Variants in TSPOAP1 observed in about 807,000 individuals in gnomAD.
TSPOAP1 encodes TSPO associated protein 1.
TSPOAP1 carries 87 observed loss-of-function variants against 197.0 expected under a neutral mutation model. The observed-to-expected ratio is 0.44, with a 90% CI of 0.37 to 0.53. The LOEUF (loss-of-function observed/expected upper bound fraction) is 0.53, where lower values mean the gene tolerates loss of function less well. Among genes scored for constraint, TSPOAP1 ranks in the 20% least tolerant of loss-of-function variants. TSPOAP1 has a pLI of 0.00. For missense variants in TSPOAP1, 2,174 were observed against 2,411.3 expected, an observed-to-expected ratio of 0.90 and a Z score of 2.06; for synonymous variants, 913 against 998.9, an observed-to-expected ratio of 0.91 and a Z score of 1.62.
intron 3 of TSPOAP1, 102 bp from the exon 4 acceptor site, chr17:58,325,815 G>A: frequency 1.5e-6 from 2 of 1,321,270 alleles, no homozygotes; most frequent in Non-Finnish European, 2.0e-6. Flanking sequence ...AAACCTAGGG[G>A]GGTAGCCACC....
rs746831000 is a variant in TSPOAP1 at position 58,327,889 on chromosome 17, C to T, written c.32G>A (p.Gly11Glu). The T allele has an allele frequency of 2.5e-6, 4 of 1,605,200 alleles. No homozygotes were observed. The highest frequency in any genetic ancestry group is 2.6e-6 in the Non-Finnish European group (3 of 1,173,406). MEQLTTLPRPGDPGAMEPWAL... is the reference protein window; with the variant it reads MEQLTTLPRPEDPGAMEPWAL... ...CCATGGCTCCATGGCTCCAGGGTCCCCAGGCCGTGGGAGGGTTGTCAGTTG... is the reference window on the plus strand; with the variant it reads ...CCATGGCTCCATGGCTCCAGGGTCCTCAGGCCGTGGGAGGGTTGTCAGTTG... The change falls in exon 1 of 32, where the codon GGG becomes GAG. Residue 11 changes from glycine to glutamate, a missense_variant. Coordinates refer to ENST00000343736, the MANE Select transcript of TSPOAP1 (RefSeq NM_004758.4).
chr17:58,308,928 C>A lies in TSPOAP1; in HGVS notation c.4344G>T (p.Glu1448Asp), dbSNP rs145131712. ...QASGRLGPTR[E>D]RGGLPVIEGP... ...CCTCAATTACGGGGAGGCCACCCCT[C>A]TCCCGTGTGGGGCCCAGTCGTCCAG... The change falls in exon 22 of 32, where the codon GAG (glutamate) becomes GAT (aspartate). Residue 1448 changes from glutamate (E) to aspartate (D), a missense_variant. By Grantham distance (45) the Glu-to-Asp change is conservative. Transcript: ENST00000343736. 6.3e-7 allele frequency: 1 copy of A among 1,599,602 alleles called. No individual in the cohort carries two copies. Among genetic ancestry groups the A allele is most frequent in the Non-Finnish European group, 8.5e-7 (1 of 1,172,980 alleles).
rs769660594 is a variant in TSPOAP1 at position 58,312,264 on chromosome 17, C to G, written c.2557G>C (p.Gly853Arg). ...AVLENLDLWAGPLHISVQALT... is the reference protein window; with the variant it reads ...AVLENLDLWARPLHISVQALT... Reference sequence around the variant, plus strand: ...GCCTGGACAGAAATGTGAAGGGGCCCGGCCCACAGGTCCAGGTTCTCCAGC... The same window carrying G: ...GCCTGGACAGAAATGTGAAGGGGCCGGGCCCACAGGTCCAGGTTCTCCAGC... Residue 853 changes from glycine (G) to arginine (R), a missense_variant, in exon 17 of 32, where the codon GGG becomes CGG. Physicochemically the swap from Gly to Arg is moderately radical, Grantham distance 125. Transcript: ENST00000343736. The G allele has an allele frequency of 1.2e-6, 2 of 1,612,614 alleles. No individual in the cohort carries two copies. The highest frequency in any genetic ancestry group is 2.2e-5 in the South Asian group (2 of 91,060).
chr17:58,312,293 G>C lies in TSPOAP1; in HGVS notation c.2528C>G (p.Ala843Gly). 1 of 1,612,754 alleles carries C rather than the reference G, an allele frequency of 6.2e-7. No individual in the cohort carries two copies. The change falls in exon 17 of 32, where the codon GCC becomes GGC. Residue 843 changes from alanine to glycine, a missense_variant. This residue lies in a region of TSPOAP1 where 1,933 missense variants were observed against 2,139.0 expected (regional missense o/e 0.90). Coordinates refer to ENST00000343736, the MANE Select transcript of TSPOAP1 (RefSeq NM_004758.4). ...CCACAGGTCCAGGTTCTCCAGCACG[G>C]CCTTGGGTGGCGCCCCAGGCCCCAG... is the stretch of plus-strand genomic sequence containing the variant. ...QALGPGAPPK[A>G]VLENLDLWAG... is the part of the protein sequence containing the mutation.
intron 25 of TSPOAP1, 40 bp downstream of exon 25, chr17:58,306,760 G>T: frequency 6.3e-7 from 1 of 1,584,462 alleles, no homozygotes; most frequent in Middle Eastern, 1.8e-4. Flanking sequence ...GTTGGAAGGG[G>T]GCTGGTGGGA....
intron 27 of TSPOAP1, 85 bp downstream of exon 27, chr17:58,305,748 T>G: frequency 1.9e-6 from 3 of 1,559,502 alleles, no homozygotes; most frequent in Non-Finnish European, 2.6e-6. Context: ...ACCTCCCCAC[T>G]AGCTGTAGCC....
chr17:58,318,604 G>A (rs1435441559), intron 13 of TSPOAP1, 152 bp from the exon 14 acceptor site: 1 of 736,800 alleles, frequency 1.4e-6, no homozygotes, highest in East Asian at 2.7e-5. Flanking sequence ...ACTAAATAGA[G>A]GTATAGCTGA....
chr17:58,320,048 G>A (rs1971358568), intron 12 of TSPOAP1, 61 bp downstream of exon 12: 17 of 1,605,690 alleles, frequency 1.1e-5, no homozygotes, highest in Admixed American at 1.7e-5. Context: ...TGGGCCCTGA[G>A]GGAGGAGATG....
At position 58,324,755 on chromosome 17, in the gene TSPOAP1, C is replaced by CGCCGTATCATTAAAAAA; in HGVS notation, c.942+55_942+56insTTTTTTAATGATACGGC. 1.5e-6 allele frequency: 2 copies of CGCCGTATCATTAAAAAA among 1,354,312 alleles called. No homozygotes were observed. The highest frequency in any genetic ancestry group is 2.9e-5 in the Admixed American group (1 of 34,278). 83.9% of individuals were successfully genotyped at this position (1,354,312 alleles called of 1,614,324 possible). On this transcript the variant is annotated intron_variant, in intron 5 of 31. Transcript: ENST00000343736. This position sits in a 1 kb window ranked among gnomAD's most constrained non-coding sequence, Gnocchi z 5.8. Reference sequence around the variant, plus strand: ...ACGGTGCAGGGGAGATCCCGGTGGTCGTTCCCCCCACCCATCTGCACGCAC... The same window carrying CGCCGTATCATTAAAAAA: ...ACGGTGCAGGGGAGATCCCGGTGGTCGCCGTATCATTAAAAAAGTTCCCCCCACCCATCTGCACGCAC...
chr17:58,306,299 A>C, intron 26 of TSPOAP1, 43 bp downstream of exon 26: 1 of 1,525,126 alleles, frequency 6.6e-7, no homozygotes, highest in Non-Finnish European at 8.9e-7. Context: ...CCCACCGCAC[A>C]CACATCCTCC....
At position 58,305,643 on chromosome 17, in the gene TSPOAP1, C is replaced by T. The variant is rs1441366595; in HGVS notation, c.5258G>A (p.Gly1753Asp). 1.3e-5 allele frequency: 19 copies of T among 1,497,136 alleles called. No homozygotes were observed. Among genetic ancestry groups the T allele is most frequent in the Non-Finnish European group, 1.6e-5 (18 of 1,106,700 alleles). 92.7% of individuals were successfully genotyped at this position (1,497,136 alleles called of 1,614,324 possible). The change falls in exon 28 of 32, where the codon GGC becomes GAC. Residue 1753 changes from glycine to aspartate, a missense_variant and splice_region_variant. Physicochemically the swap from Gly to Asp is moderately conservative, Grantham distance 94. Coordinates refer to ENST00000343736, the MANE Select transcript of TSPOAP1 (RefSeq NM_004758.4). ...ESEGPAQPCP[G>D]PPKLVPSADL... The stretch of plus-strand genomic sequence containing the variant: ...AGCAGAGGGGACCAGCTTAGGGGGG[C>T]CTGCAGGGGGAGTAGGAGAAGACTC...
intron 31 of TSPOAP1, 110 bp from the exon 32 acceptor site, chr17:58,302,557 T>A: frequency 1.3e-6 from 1 of 741,782 alleles, no homozygotes; most frequent in South Asian, 2.0e-5. Context: ...CACAGAACCA[T>A]GGCTGACGCT....
chr17:58,315,916 G>A (rs1971216285), intron 16 of TSPOAP1, 107 bp downstream of exon 16: 4 of 858,184 alleles, frequency 4.7e-6, no homozygotes, highest in South Asian at 2.9e-5. Flanking sequence ...TGGATGGATG[G>A]ATGGATGGAT....
chr17:58,326,810 A>G lies in TSPOAP1; in HGVS notation c.334-20T>C. On this transcript the variant is annotated intron_variant, in intron 1 of 31. Coordinates refer to ENST00000343736, the MANE Select transcript of TSPOAP1 (RefSeq NM_004758.4). The surrounding 1 kb of genome is among the most constrained non-coding windows in gnomAD (Gnocchi z 4.7). The stretch of plus-strand genomic sequence containing the variant: ...CTTGGCCTGGCATGGGAAAGGACCG[A>G]GGACAGCACCTCAGAAACCCACGTC... 6.2e-7 allele frequency: 1 copy of G among 1,609,016 alleles called. No homozygotes were observed. The highest frequency in any genetic ancestry group is 1.1e-5 in the South Asian group (1 of 90,970).
chr17:58,317,502 A>G (rs542918971), intron 14 of TSPOAP1, among the ~76,000 whole-genome samples: 49 of 152,316 alleles, frequency 3.2e-4, no homozygotes, highest in African/African-American at 1.2e-3. Context: ...GCCTGGGAGA[A>G]GGGGACCAAG....
chr17:58,309,843 G>C lies in TSPOAP1; in HGVS notation c.3891+124C>G. The C allele has an allele frequency of 7.7e-7, 1 of 1,301,108 alleles. No homozygotes were observed. Among genetic ancestry groups the C allele is most frequent in the South Asian group, 1.4e-5 (1 of 70,360 alleles). The allele number at this position is 1,301,108 out of a possible 1,614,324, so 80.6% of individuals were successfully genotyped here. On this transcript the variant is annotated intron_variant, in intron 21 of 31. Transcript: ENST00000343736. This position sits in a 1 kb window ranked among gnomAD's most constrained non-coding sequence, Gnocchi z 5.0. The stretch of plus-strand genomic sequence containing the variant: ...ACTTCCTATCTTCTGCTTAGGACAG[G>C]GCCCAGGCCACAGACCTAGAATGTT...
In TSPOAP1 at chr17:58,302,210, G is replaced by C; in HGVS notation, c.*270C>G. On this transcript the variant is annotated 3_prime_UTR_variant, in exon 32 of 32. Coordinates refer to ENST00000343736, the MANE Select transcript of TSPOAP1 (RefSeq NM_004758.4). ...CAGTCTGAGCCTTCCCTGCTCAGCA[G>C]AGACAGTGATCTGGGGGCCTCTCAG... The C allele has an allele frequency of 2.4e-6, 3 of 1,276,492 alleles. No individual in the cohort carries two copies. The highest frequency in any genetic ancestry group is 3.1e-6 in the Non-Finnish European group (3 of 980,062). The allele number at this position is 1,276,492 out of a possible 1,614,324, so 79.1% of individuals were successfully genotyped here.
At chr17:58,310,361 G>T (rs1567841379) in intron 20 of TSPOAP1, 151 bp downstream of exon 20, 2 of 1,288,232 alleles carry the variant, frequency 1.6e-6, no homozygotes, top group East Asian at 2.5e-5. Flanking sequence ...AGAAATCCTA[G>T]AAGAAAAACA....
chr17:58,312,670 A>C lies in TSPOAP1; in HGVS notation c.2151T>G (p.Arg717=). Residue 717 remains arginine, a synonymous_variant, in exon 17 of 32, where the codon CGT becomes CGG. Coordinates refer to ENST00000343736, the MANE Select transcript of TSPOAP1 (RefSeq NM_004758.4). ...RGLVPSNFVE[R]VSDDDLLTSL... is the part of the protein sequence containing the mutation. ...AGGTCAGGAGGTCATCATCCGACAC[A>C]CGCTCTACAAAATTGGAAGGGACCA... The C allele has an allele frequency of 6.2e-7, 1 of 1,613,702 alleles. No homozygotes were observed. The highest frequency in any genetic ancestry group is 8.5e-7 in the Non-Finnish European group (1 of 1,180,012).
Sources: allele counts gnomAD v4.1 joint callset (sites outside exome capture counted in the v4.1 genomes callset), GRCh38; gene constraint gnomAD v4.1.1; regional missense constraint gnomAD v4.1.1; non-coding constraint Gnocchi (gnomAD v3.1); transcripts MANE v1.5; gene names NCBI Gene and HGNC (gene_info 2026-07-23, HGNC 2026-07-21).